Variants in PCDHA1 observed in about 807,000 individuals in gnomAD.
The protein encoded by PCDHA1 is protocadherin alpha-1.
Under a neutral mutation model 61.3 loss-of-function variants are expected in PCDHA1, and 42 were observed. The ratio of observed to expected loss-of-function variants is 0.69; its 90% CI spans 0.54 to 0.89. The LOEUF is 0.89. Among genes scored for constraint, PCDHA1 ranks in the 40% least tolerant of loss-of-function variants. The pLI is 0.00. For synonymous variants in PCDHA1, 610 were observed against 553.8 expected, an observed-to-expected ratio of 1.10 and a Z score of -1.43; for missense variants, 1,256 against 1,235.3, an observed-to-expected ratio of 1.02 and a Z score of -0.25.
chr5:141,006,224 T>A (rs1265190589), intron 3 of PCDHA1, among the ~76,000 whole-genome samples: 1 of 152,072 alleles, frequency 6.6e-6, no homozygotes, highest in African/African-American at 2.4e-5. Flanking sequence ...TTAAATTTTT[T>A]ATTTTTAGAT....
chr5:140,853,535 C>G (rs916895928), intron 1 of PCDHA1: 2 of 979,230 alleles, frequency 2.0e-6, no homozygotes, highest in South Asian at 9.5e-5. Context: ...TGTCTCTTTT[C>G]AAGTTGTAAT....
chr5:140,848,619 G>A (rs2150415128), intron 1 of PCDHA1: 2 of 1,593,396 alleles, frequency 1.3e-6, no homozygotes, highest in Admixed American at 1.7e-5. Context: ...AGCCGAACAC[G>A]GCACCTTCGT....
intron 1 of PCDHA1, chr5:140,812,583 T>A (rs2126640107): frequency 6.6e-6 from 1 of 152,290 alleles, no homozygotes; most frequent in East Asian, 1.9e-4. Context: ...ATCTTTCTTC[T>A]TTCTTCATTT....
chr5:140,936,831 A>T lies in PCDHA1; in HGVS notation c.2395-42118A>T, dbSNP rs142448727. 3.1e-3 allele frequency among the ~76,000 whole-genome samples: 478 copies of T among 152,252 alleles called. 2 individuals are homozygous for T. Among genetic ancestry groups the T allele is most frequent in the African/African-American group, 0.011 (455 of 41,554 alleles). Reference sequence around the variant, plus strand: ...GCTATTTTTGGCCCTTTGCATTTCTATATAAATTGTAGATTCAGCTTCTCA... The same window carrying T: ...GCTATTTTTGGCCCTTTGCATTTCTTTATAAATTGTAGATTCAGCTTCTCA... On this transcript the variant is annotated intron_variant, in intron 1 of 3. Transcript: ENST00000504120.
In PCDHA1 at chr5:140,887,347, C is replaced by T. The variant is rs568939189; in HGVS notation, c.2395-91602C>T. Among the ~76,000 whole-genome samples the T allele has an allele frequency of 4.6e-5, 7 of 152,202 alleles. No homozygotes were observed. In the South Asian group the frequency reaches 6.2e-4, roughly 14 times the overall value. On this transcript the variant is annotated intron_variant, in intron 1 of 3. Coordinates refer to ENST00000504120, the MANE Select transcript of PCDHA1 (RefSeq NM_018900.4). ...TCCTGACCTCGTGATCCACCTGGCT[C>T]GGCCTCCCAAAGTGCTGGGATTACA...
At chr5:140,803,220 G>C (rs782463768) in intron 1 of PCDHA1, 4 of 1,613,816 alleles carry the variant, frequency 2.5e-6, no homozygotes, top group Non-Finnish European at 3.4e-6. Context: ...GAGTGGCCAG[G>C]CACCCAAGGC....
chr5:140,943,270 AAAAAAAAG>A (rs1301290983), intron 1 of PCDHA1, among the ~76,000 whole-genome samples: 4 of 150,618 alleles, frequency 2.7e-5, no homozygotes, highest in African/African-American at 4.9e-5. Context: ...AAAAAAAAAA[AAAAAAAAG>A]AAAGAAAGAA....
chr5:140,843,829 G>T (rs1554140457), intron 1 of PCDHA1: 1 of 1,170,122 alleles, frequency 8.5e-7, no homozygotes, highest in African/African-American at 1.5e-5. Flanking sequence ...TTTAAACATT[G>T]TTTAGTTTTT....
At position 140,828,473 on chromosome 5, in the gene PCDHA1, G is replaced by C. The variant is rs1269610304; in HGVS notation, c.2394+39789G>C. On this transcript the variant is annotated intron_variant, in intron 1 of 3. Coordinates refer to ENST00000504120, the MANE Select transcript of PCDHA1 (RefSeq NM_018900.4). The stretch of plus-strand genomic sequence containing the variant: ...GGACGTGGAGGTGAGGGACATTAAC[G>C]ACAACCCGCCCTTGTTCCCGGTAGA... 7 of 1,614,130 alleles carry C rather than the reference G, an allele frequency of 4.3e-6. No homozygotes were observed. In the Admixed American group the frequency reaches 6.7e-5, roughly 15 times the overall value.
intron 1 of PCDHA1, chr5:140,867,287 A>T (rs1264218929): frequency 1.3e-5 from 2 of 152,110 alleles, no homozygotes; most frequent in African/African-American, 2.4e-5. Context: ...ATGTGCTTCA[A>T]ATATCATGTT....
intron 1 of PCDHA1, among the ~76,000 whole-genome samples, chr5:140,789,484 C>A (rs545501332): frequency 9.9e-5 from 15 of 151,996 alleles, no homozygotes; most frequent in African/African-American, 3.4e-4. Context: ...AACCGACCAA[C>A]CAAACAAACA....
chr5:140,853,830 G>A lies in PCDHA1; in HGVS notation c.2394+65146G>A, dbSNP rs1424828776. 1.9e-5 allele frequency: 19 copies of A among 986,508 alleles called. 1 individual carries two copies. The highest frequency in any genetic ancestry group is 2.2e-5 in the Non-Finnish European group (18 of 818,674). The allele number at this position is 986,508 out of a possible 1,614,324, so 61.1% of individuals were successfully genotyped here. On this transcript the variant is annotated intron_variant, in intron 1 of 3. Coordinates refer to ENST00000504120, the MANE Select transcript of PCDHA1 (RefSeq NM_018900.4). The stretch of plus-strand genomic sequence containing the variant: ...CACCTGAGATGATTCTCATACAACC[G>A]AAATTTTAGATCCATAGCCCTATTT...
intron 1 of PCDHA1, chr5:140,854,328 A>C (rs1562493993): frequency 4.6e-6 from 1 of 216,912 alleles, no homozygotes; most frequent in Non-Finnish European, 7.8e-6. Context: ...TGGCAAACTT[A>C]TTTTACGCTC....
At chr5:140,882,755 G>C (rs1554175453) in intron 1 of PCDHA1, 3 of 1,614,112 alleles carry the variant, frequency 1.9e-6, no homozygotes, top group Non-Finnish European at 2.5e-6. Context: ...TGCAGATATT[G>C]GAGTAAACTC....
At position 140,822,568 on chromosome 5, in the gene PCDHA1, G is replaced by A. The variant is rs2150117347; in HGVS notation, c.2394+33884G>A. ...TGGGACATTAGTTATTAAACTGAAC[G>A]CCTCAGATGCAGATGAGGGCATCAA... On this transcript the variant is annotated intron_variant, in intron 1 of 3. Coordinates refer to ENST00000504120, the MANE Select transcript of PCDHA1 (RefSeq NM_018900.4). The A allele has an allele frequency of 1.2e-6, 2 of 1,612,652 alleles. No individual in the cohort carries two copies.
chr5:140,989,253 G>A (rs886150768), intron 3 of PCDHA1, among the ~76,000 whole-genome samples: 4 of 152,194 alleles, frequency 2.6e-5, no homozygotes, highest in Non-Finnish European at 1.5e-5. Flanking sequence ...CTTGTCAAAA[G>A]GGAGATTCAA....
chr5:140,808,800 G>A, intron 1 of PCDHA1: 1 of 1,612,608 alleles, frequency 6.2e-7, no homozygotes, highest in African/African-American at 1.3e-5. Flanking sequence ...GTGACCGCTC[G>A]CGATGCCGGC....
intron 1 of PCDHA1, among the ~76,000 whole-genome samples, chr5:140,888,562 G>T (rs781854673): frequency 6.6e-6 from 1 of 152,112 alleles, no homozygotes; most frequent in East Asian, 1.9e-4. Flanking sequence ...TCCTTTCAAG[G>T]CTTCATTTTA....
chr5:140,802,102 T>C, intron 1 of PCDHA1: 1 of 1,614,156 alleles, frequency 6.2e-7, no homozygotes, highest in Non-Finnish European at 8.5e-7. Flanking sequence ...AATGGACAAA[T>C]CAGTGTAAAG....
Sources: gnomAD v4.1 joint callset for allele counts (sites outside exome capture counted in the v4.1 genomes callset) on GRCh38, gnomAD v4.1.1 for gene constraint, MANE v1.5 for transcripts, NCBI Gene and HGNC (gene_info 2026-07-23, HGNC 2026-07-21) for gene names.